Variants in FRAS1 observed in about 807,000 individuals in gnomAD.
FRAS1 encodes Fraser extracellular matrix complex subunit 1.
Under a neutral mutation model 435.2 loss-of-function variants are expected in FRAS1, and 290 were observed. The observed-to-expected ratio is 0.67, with a 90% CI of 0.61 to 0.73. FRAS1 has a LOEUF of 0.73. Ranked by LOEUF, FRAS1 falls within the 30% of genes least tolerant of loss-of-function variation. The pLI, the probability that FRAS1 is intolerant of heterozygous loss-of-function variation, is 0.00. For synonymous variants in FRAS1, 1,800 were observed against 1,851.0 expected, an observed-to-expected ratio of 0.97 and a Z score of 0.71; for missense variants, 4,860 against 5,001.5, an observed-to-expected ratio of 0.97 and a Z score of 0.85.
chr4:78,444,271 T>C, intron 41 of FRAS1: 1 of 429,744 alleles, frequency 2.3e-6, no homozygotes, highest in Admixed American at 2.5e-5. Context: ...CTGGAAACCC[T>C]GAACTGTATA....
intron 20 of FRAS1, among the ~76,000 whole-genome samples, chr4:78,355,743 T>A (rs405190): frequency 0.066 from 10,071 of 152,180 alleles, 618 homozygotes; most frequent in African/African-American, 0.17. Context: ...CTCTACTGTG[T>A]CCTGTGAAAT....
intron 18 of FRAS1, among the ~76,000 whole-genome samples, chr4:78,329,293 G>T (rs1394755812): frequency 5.3e-5 from 8 of 152,204 alleles, no homozygotes; most frequent in Admixed American, 5.2e-4. Context: ...GTTCGAGCTC[G>T]AGAAGGAATC....
At chr4:78,284,229 A>ATTTTTTTTTTTTTTTTT (rs11453256) in intron 12 of FRAS1, among the ~76,000 whole-genome samples, 176 bp from the exon 13 acceptor site, 8 of 80,810 alleles carry the variant, frequency 9.9e-5, no homozygotes, top group African/African-American at 2.6e-4. Context: ...ATTGGAATGT[A>ATTTTTTTTTTTTTTTTT]TTTTTTTTTT....
rs1199791422 is a variant in FRAS1, at chr4:78,479,401, T to C, written c.8126T>C (p.Ile2709Thr). The C allele has an allele frequency of 1.3e-6, 2 of 1,504,250 alleles. No homozygotes were observed. The highest frequency in any genetic ancestry group is 2.8e-5 in the South Asian group (2 of 70,896). The allele number at this position is 1,504,250 out of a possible 1,614,324, so 93.2% of individuals were successfully genotyped here. The change falls in exon 56 of 74, where the codon ATT (isoleucine) becomes ACT (threonine). Residue 2709 changes from isoleucine (I) to threonine (T), a missense_variant. Transcript: ENST00000512123. Reference protein sequence around the residue: ...KGDASSIVSAICYTVPKSAMG... With the variant: ...KGDASSIVSATCYTVPKSAMG... ...GATGCAAGCAGCATTGTATCTGCAA[T>C]TTGCTACACAGTCCCTAAGTCAGCT...
intron 14 of FRAS1, among the ~76,000 whole-genome samples, chr4:78,301,798 T>C (rs984956267): frequency 6.6e-6 from 1 of 151,712 alleles, no homozygotes; most frequent in African/African-American, 2.4e-5. Flanking sequence ...CTCTTCTGAA[T>C]CTCTTAGTGA....
rs965219094 is a variant in FRAS1, at chr4:78,508,959, T to G, written c.9733T>G (p.Phe3245Val). The change falls in exon 63 of 74, where the codon TTT (phenylalanine) becomes GTT (valine). Residue 3245 changes from phenylalanine to valine, a missense_variant. Physicochemically the swap from Phe to Val is conservative, Grantham distance 50 (BLOSUM62 -1). Transcript: ENST00000512123. The part of the protein sequence containing the change: ...PTDGNGARSP[F>V]ETITDNTPFT... ...TGATGGCAATGGGGCCCGGTCTCCC[T>G]TTGAAACCATCACTGACAACACACC... The G allele has an allele frequency of 3.7e-6, 6 of 1,613,994 alleles. No individual in the cohort carries two copies. Among genetic ancestry groups the G allele is most frequent in the Non-Finnish European group, 5.1e-6 (6 of 1,179,880 alleles).
chr4:78,324,455 A>G (rs1265614028), intron 18 of FRAS1, among the ~76,000 whole-genome samples: 2 of 151,580 alleles, frequency 1.3e-5, no homozygotes, highest in African/African-American at 4.9e-5. Flanking sequence ...AGTTGTTTAT[A>G]TAACACACAC....
At chr4:78,363,215 C>A (rs1482860433) in intron 20 of FRAS1, among the ~76,000 whole-genome samples, 1 of 152,114 alleles carries the variant, frequency 6.6e-6, no homozygotes, top group African/African-American at 2.4e-5. Flanking sequence ...TCAGGAAGTT[C>A]TCTCTATACT....
At chr4:78,306,318 GGTGAAT>G in intron 14 of FRAS1, among the ~76,000 whole-genome samples, 1 of 149,912 alleles carries the variant, frequency 6.7e-6, no homozygotes, top group South Asian at 2.2e-4. Flanking sequence ...TTTCAACTTT[GGTGAAT>G]CTGACAATTA....
At chr4:78,299,994 A>G (rs1334121534) in intron 14 of FRAS1, among the ~76,000 whole-genome samples, 1 of 152,206 alleles carries the variant, frequency 6.6e-6, no homozygotes, top group Non-Finnish European at 1.5e-5. Flanking sequence ...TCAGCTTGGC[A>G]TAACTTTTTA....
intron 15 of FRAS1, among the ~76,000 whole-genome samples, chr4:78,314,488 C>T (rs955026645): frequency 9.2e-5 from 14 of 152,278 alleles, no homozygotes; most frequent in African/African-American, 2.6e-4. Context: ...TCTTCCAATG[C>T]GGTTTCCAAC....
rs543237404 is a variant in FRAS1 at position 78,208,876 on chromosome 4, C to A, written c.109-28634C>A. Among the ~76,000 whole-genome samples, 112 of 152,266 alleles carry A rather than the reference C, an allele frequency of 7.4e-4. No homozygotes were observed. In the Middle Eastern group the frequency reaches 0.01, roughly 14 times the overall value. ...TAGGGGTTGGGCGCATCAGATCACA[C>A]CTGTAATCCCAGCACTTTGGGAGAC... On this transcript the variant is annotated intron_variant, in intron 2 of 73. Coordinates refer to ENST00000512123, the MANE Select transcript of FRAS1 (RefSeq NM_025074.7).
chr4:78,269,502 G>C (rs1449804668), intron 9 of FRAS1, among the ~76,000 whole-genome samples: 1 of 152,208 alleles, frequency 6.6e-6, no homozygotes, highest in Non-Finnish European at 1.5e-5. Context: ...AAGCCACAGA[G>C]AAGTTAATTT....
rs1441445043 is a variant in FRAS1, at chr4:78,372,878, G to T, written c.3010+20G>T. ...GCAAGAGTAAGTGTGTAGAGGCCCT[G>T]CTCTGTGCTCAGCCATACCTTGGCC... is the stretch of plus-strand genomic sequence containing the variant. On this transcript the variant is annotated intron_variant, in intron 24 of 73. Transcript: ENST00000512123. 4 of 1,608,914 alleles carry T rather than the reference G, an allele frequency of 2.5e-6. No homozygotes were observed. The highest frequency in any genetic ancestry group is 3.4e-6 in the Non-Finnish European group (4 of 1,178,404).
chr4:78,382,320 TG>T (rs1449788220), intron 27 of FRAS1, among the ~76,000 whole-genome samples: 1 of 151,862 alleles, frequency 6.6e-6, no homozygotes, highest in Non-Finnish European at 1.5e-5. Context: ...TGATAAATAA[TG>T]TATTTTATTT....
At chr4:78,387,760 G>A in intron 29 of FRAS1, 59 bp downstream of exon 29, 1 of 1,145,312 alleles carries the variant, frequency 8.7e-7, no homozygotes. Flanking sequence ...TTCTACGGTT[G>A]ATATTATTTT....
intron 38 of FRAS1, among the ~76,000 whole-genome samples, chr4:78,437,855 C>G (rs2903470): frequency 0.7 from 105,861 of 151,852 alleles, 37,188 homozygotes; most frequent in Non-Finnish European, 0.74. Context: ...CTTGAAGAAA[C>G]AGGACATTGT....
At chr4:78,496,693 T>A in intron 59 of FRAS1, 112 bp from the exon 60 acceptor site, 1 of 1,031,082 alleles carries the variant, frequency 9.7e-7, no homozygotes, top group Non-Finnish European at 1.4e-6. Context: ...TCCTTTTGAA[T>A]TTGTGTGGAC....
intron 4 of FRAS1, among the ~76,000 whole-genome samples, chr4:78,248,891 G>A (rs1304547096): frequency 2.6e-5 from 4 of 151,256 alleles, no homozygotes; most frequent in Admixed American, 6.6e-5. Context: ...TCATGTTTTC[G>A]AAACAGTATT....
Sources: allele counts gnomAD v4.1 joint callset (sites outside exome capture counted in the v4.1 genomes callset), GRCh38; gene constraint gnomAD v4.1.1; transcripts MANE v1.5; gene names NCBI Gene and HGNC (gene_info 2026-07-23, HGNC 2026-07-21).